Variants in MARCHF1 observed in about 807,000 individuals in gnomAD.
The protein encoded by MARCHF1 is membrane associated ring-CH-type finger 1.
In MARCHF1, 40 loss-of-function variants were observed where a neutral mutation model predicts 54.2. The ratio of observed to expected loss-of-function variants is 0.74; its 90% CI spans 0.57 to 0.96. The LOEUF (loss-of-function observed/expected upper bound fraction) is 0.96, where lower values mean the gene tolerates loss of function less well. Ranked by LOEUF, MARCHF1 falls within the 40% of genes least tolerant of loss-of-function variation. The pLI is 0.00. For missense variants in MARCHF1, 586 were observed against 656.5 expected, an observed-to-expected ratio of 0.89 and a Z score of 1.17; for synonymous variants, 236 against 236.3, an observed-to-expected ratio of 1.00 and a Z score of 0.01.
chr4:164,245,804 C>T (rs62348011), intron 1 of MARCHF1, among the ~76,000 whole-genome samples: 61,204 of 82,478 alleles, frequency 0.74, 22,726 homozygotes, highest in East Asian at 0.82. Flanking sequence ...TATACACCAA[C>T]AACAGACAAA....
intron 8 of MARCHF1, among the ~76,000 whole-genome samples, chr4:163,564,250 C>A (rs188632861): frequency 2.0e-5 from 3 of 152,116 alleles, no homozygotes; most frequent in Non-Finnish European, 2.9e-5. Context: ...AACCAAAAAG[C>A]CTTTGTTGAC....
At chr4:164,235,495 T>C (rs1732523107) in intron 1 of MARCHF1, among the ~76,000 whole-genome samples, 1 of 152,150 alleles carries the variant, frequency 6.6e-6, no homozygotes, top group South Asian at 2.1e-4. Context: ...TCTTAAGTTC[T>C]AGTTTAATTT....
chr4:164,203,004 A>C (rs750595759), intron 1 of MARCHF1, among the ~76,000 whole-genome samples: 6 of 152,164 alleles, frequency 3.9e-5, no homozygotes, highest in Non-Finnish European at 7.4e-5. Context: ...AGAGAGAGAG[A>C]GAGAGAGAGA....
intron 3 of MARCHF1, among the ~76,000 whole-genome samples, chr4:163,940,153 A>G (rs1751882390): frequency 6.6e-6 from 1 of 152,132 alleles, no homozygotes; most frequent in South Asian, 2.1e-4. Context: ...CTTACTAGAC[A>G]CCAAATCAAC....
At chr4:164,292,362 G>A (rs1056691553) in intron 1 of MARCHF1, among the ~76,000 whole-genome samples, 2 of 151,900 alleles carry the variant, frequency 1.3e-5, no homozygotes, top group Non-Finnish European at 2.9e-5. Flanking sequence ...TTTCTTCCAG[G>A]CCACCAAGCA....
At chr4:164,055,460 AT>A (rs1344254167) in intron 2 of MARCHF1, among the ~76,000 whole-genome samples, 6 of 139,404 alleles carry the variant, frequency 4.3e-5, no homozygotes, top group African/African-American at 1.5e-4. Context: ...AAAAAAAAAA[AT>A]TAGGAATAGG....
At position 163,743,813 on chromosome 4, in the gene MARCHF1, T is replaced by C. The variant is rs145203322; in HGVS notation, c.112-42950A>G. On this transcript the variant is annotated intron_variant, in intron 4 of 9. Coordinates refer to ENST00000514618, the MANE Select transcript of MARCHF1 (RefSeq NM_001394959.1). ...CTAGGAGATACACCATCTTTTGCTA[T>C]GTAGAGCTAAATAATTTGCTGAAAT... 7.0e-4 allele frequency among the ~76,000 whole-genome samples: 106 copies of C among 152,328 alleles called. 2 individuals are homozygous for C. In the East Asian group the frequency reaches 0.013, roughly 19 times the overall value.
chr4:164,335,277 A>G (rs992836981), intron 1 of MARCHF1, among the ~76,000 whole-genome samples: 5 of 152,188 alleles, frequency 3.3e-5, no homozygotes, highest in Admixed American at 6.5e-5. Context: ...TGAGAAAAAA[A>G]TTCATTGTCG....
chr4:164,126,159 T>C (rs184976549), intron 1 of MARCHF1, among the ~76,000 whole-genome samples: 609 of 152,334 alleles, frequency 4.0e-3, no homozygotes, highest in Non-Finnish European at 6.2e-3. Flanking sequence ...AATTCGTACA[T>C]TGAAATCTAA....
chr4:163,694,326 A>G (rs1744553646), intron 5 of MARCHF1, among the ~76,000 whole-genome samples: 1 of 152,132 alleles, frequency 6.6e-6, no homozygotes, highest in Admixed American at 6.6e-5. Flanking sequence ...CACTACTGCA[A>G]TTCTCTTTGG....
At chr4:164,008,188 T>C (rs1385020905) in intron 2 of MARCHF1, among the ~76,000 whole-genome samples, 4 of 152,084 alleles carry the variant, frequency 2.6e-5, no homozygotes, top group Non-Finnish European at 4.4e-5. Context: ...GTAGTTACAC[T>C]AATATCAGAT....
At chr4:164,021,800 G>A (rs1455130496) in intron 2 of MARCHF1, among the ~76,000 whole-genome samples, 1 of 151,440 alleles carries the variant, frequency 6.6e-6, no homozygotes, top group African/African-American at 2.4e-5. Flanking sequence ...GTTGCAGTGA[G>A]CTGAGATTGC....
chr4:163,615,004 T>C (rs1484490581), intron 5 of MARCHF1, among the ~76,000 whole-genome samples: 1 of 152,038 alleles, frequency 6.6e-6, no homozygotes, highest in African/African-American at 2.4e-5. Flanking sequence ...CAGAAGGAAT[T>C]CAGCCCTATT....
At chr4:163,863,536 G>A (rs147241256) in intron 3 of MARCHF1, among the ~76,000 whole-genome samples, 2,380 of 152,152 alleles carry the variant, frequency 0.016, 30 homozygotes, top group Non-Finnish European at 0.019. Context: ...ATGGGTCAGA[G>A]TTGGAGACAT....
At position 163,916,285 on chromosome 4, in the gene MARCHF1, T is replaced by C. The variant is rs1343152390; in HGVS notation, c.-38-62116A>G. On this transcript the variant is annotated intron_variant, in intron 3 of 9. Coordinates refer to ENST00000514618, the MANE Select transcript of MARCHF1 (RefSeq NM_001394959.1). Reference sequence around the variant, plus strand: ...TCTCCACAATTTATTACACAGCTAATATGTTTGTCCCAGAGTCAGGGACCT... The same window carrying C: ...TCTCCACAATTTATTACACAGCTAACATGTTTGTCCCAGAGTCAGGGACCT... Among the ~76,000 whole-genome samples, 5 of 152,160 alleles carry C rather than the reference T, an allele frequency of 3.3e-5. No homozygotes were observed. The East Asian group carries it at 9.6e-4, about 29-fold the overall frequency.
chr4:164,380,658 T>A (rs1029357540), intron 1 of MARCHF1, among the ~76,000 whole-genome samples: 1 of 152,234 alleles, frequency 6.6e-6, no homozygotes, highest in Non-Finnish European at 1.5e-5. Context: ...TTTTTAAAGC[T>A]ACATTAACAG....
chr4:164,050,744 C>T (rs1337921007), intron 2 of MARCHF1, among the ~76,000 whole-genome samples: 1 of 152,106 alleles, frequency 6.6e-6, no homozygotes, highest in South Asian at 2.1e-4. Context: ...ACCAGCCTGA[C>T]CAACATGGAG....
intron 1 of MARCHF1, among the ~76,000 whole-genome samples, chr4:164,130,265 C>A (rs535301337): frequency 6.6e-6 from 1 of 152,164 alleles, no homozygotes; most frequent in South Asian, 2.1e-4. Context: ...ATAATGTTAA[C>A]ACATTTTTCA....
intron 2 of MARCHF1, among the ~76,000 whole-genome samples, chr4:164,080,671 T>C (rs1755076864): frequency 1.5e-5 from 2 of 134,484 alleles, no homozygotes; most frequent in Non-Finnish European, 3.2e-5. Context: ...TGTGTGTGTG[T>C]ATATATATAT....
Sources: gnomAD v4.1 joint callset for allele counts (sites outside exome capture counted in the v4.1 genomes callset) on GRCh38, gnomAD v4.1.1 for gene constraint, MANE v1.5 for transcripts, NCBI Gene and HGNC (gene_info 2026-07-23, HGNC 2026-07-21) for gene names.